SPMIP11: variants seen among roughly 807,000 people sequenced by gnomAD.
SPMIP11 encodes sperm microtubule inner protein 11, also known as long intergenic non-protein coding RNA 935.
chr12:48,747,806 C>T, the SPMIP11 span, among the ~76,000 whole-genome samples: 1 of 152,178 alleles, frequency 6.6e-6, no homozygotes, highest in Non-Finnish European at 1.5e-5. Context: ...AGTCTGTGCT[C>T]ACATGGCCAA....
the SPMIP11 span, among the ~76,000 whole-genome samples, chr12:48,733,764 C>CTTTT: frequency 1.6e-3 from 134 of 82,882 alleles, 3 homozygotes; most frequent in South Asian, 2.8e-3. Flanking sequence ...AATGCAGATT[C>CTTTT]TTTTTTTTTT....
the SPMIP11 span, among the ~76,000 whole-genome samples, chr12:48,750,457 T>C: frequency 6.6e-6 from 1 of 152,208 alleles, no homozygotes; most frequent in African/African-American, 2.4e-5. Flanking sequence ...ATTTAACATA[T>C]GGGCAGAAAA....
At chr12:48,738,943 T>A in the SPMIP11 span, among the ~76,000 whole-genome samples, 1 of 152,116 alleles carries the variant, frequency 6.6e-6, no homozygotes, top group Non-Finnish European at 1.5e-5. Context: ...TTTTGCTTTT[T>A]TTTCTTCATG....
At chr12:48,728,882 G>A in the SPMIP11 span, among the ~76,000 whole-genome samples, 1 of 152,110 alleles carries the variant, frequency 6.6e-6, no homozygotes, top group Non-Finnish European at 1.5e-5. Context: ...AATTGAGGAT[G>A]CTGTTAGCCA....
chr12:48,739,849 AACCATATC>A, the SPMIP11 span, among the ~76,000 whole-genome samples: 1 of 152,202 alleles, frequency 6.6e-6, no homozygotes, highest in South Asian at 2.1e-4. Flanking sequence ...CATAAATCCA[AACCATATC>A]ACCAGCCTTC....
the SPMIP11 span, chr12:48,736,221 TG>T: frequency 2.8e-6 from 1 of 354,762 alleles, no homozygotes; most frequent in Non-Finnish European, 5.5e-6. Context: ...ATGAACAACA[TG>T]GGGAAACCTC....
the SPMIP11 span, among the ~76,000 whole-genome samples, chr12:48,761,645 G>C: frequency 6.9e-6 from 1 of 144,656 alleles, no homozygotes; most frequent in African/African-American, 2.5e-5. Flanking sequence ...GGACATCAAA[G>C]CATGATGTAA....
the SPMIP11 span, among the ~76,000 whole-genome samples, chr12:48,749,005 T>C: frequency 6.6e-6 from 1 of 152,232 alleles, no homozygotes; most frequent in Non-Finnish European, 1.5e-5. Context: ...CTCACACCTG[T>C]AATCCCAGCA....
At chr12:48,749,635 C>A in the SPMIP11 span, among the ~76,000 whole-genome samples, 5 of 56,530 alleles carry the variant, frequency 8.8e-5, no homozygotes, top group African/African-American at 4.0e-4. Flanking sequence ...AACTCGGTGT[C>A]AAAAAAAAAA....
chr12:48,730,277 T>C, the SPMIP11 span, among the ~76,000 whole-genome samples: 3 of 152,094 alleles, frequency 2.0e-5, no homozygotes, highest in African/African-American at 7.2e-5. Flanking sequence ...TATCCCGATA[T>C]CATCTACTAT....
At chr12:48,741,023 T>A in the SPMIP11 span, among the ~76,000 whole-genome samples, 1 of 151,770 alleles carries the variant, frequency 6.6e-6, no homozygotes, top group Non-Finnish European at 1.5e-5. Context: ...CTCTTTAGTC[T>A]CCTTTAATCT....
the SPMIP11 span, among the ~76,000 whole-genome samples, chr12:48,757,732 G>A: frequency 6.7e-6 from 1 of 149,688 alleles, no homozygotes; most frequent in African/African-American, 2.4e-5. Flanking sequence ...AGTGGCTCAC[G>A]CCTGTAATCC....
the SPMIP11 span, chr12:48,759,355 A>C: frequency 1.4e-6 from 1 of 702,172 alleles, no homozygotes; most frequent in East Asian, 2.7e-5. Flanking sequence ...GGTGGGCATC[A>C]TGCTAGGAGA....
At chr12:48,730,267 T>C in the SPMIP11 span, among the ~76,000 whole-genome samples, 4 of 152,118 alleles carry the variant, frequency 2.6e-5, no homozygotes, top group South Asian at 2.1e-4. Flanking sequence ...GACGGAGAAG[T>C]ATCCCGATAT....
chr12:48,757,172 G>C, the SPMIP11 span, among the ~76,000 whole-genome samples: 1 of 152,194 alleles, frequency 6.6e-6, no homozygotes, highest in South Asian at 2.1e-4. Context: ...GGATGGAACA[G>C]CCAAGAGACA....
At chr12:48,741,796 C>T in the SPMIP11 span, among the ~76,000 whole-genome samples, 1 of 152,208 alleles carries the variant, frequency 6.6e-6, no homozygotes, top group East Asian at 1.9e-4. Context: ...CACACCACCA[C>T]ACCCAGCCAA....
chr12:48,738,721 T>A, the SPMIP11 span, among the ~76,000 whole-genome samples: 2 of 151,984 alleles, frequency 1.3e-5, no homozygotes, highest in Non-Finnish European at 2.9e-5. Flanking sequence ...TCAGAGCAAG[T>A]GATCAGAAAG....
At chr12:48,771,296 AG>A in the SPMIP11 span, 1 of 483,662 alleles carries the variant, frequency 2.1e-6, no homozygotes, top group Non-Finnish European at 3.8e-6. This position sits in a 1 kb window ranked among gnomAD's most constrained non-coding sequence, Gnocchi z 4.3. Flanking sequence ...ACTTCCCTCC[AG>A]AACAGTGAAC....
At chr12:48,752,077 A>C in the SPMIP11 span, among the ~76,000 whole-genome samples, 3 of 149,964 alleles carry the variant, frequency 2.0e-5, no homozygotes, top group Admixed American at 1.3e-4. Context: ...AAAAAAAAAA[A>C]AACAAACAAA....
Sources: allele counts gnomAD v4.1 joint callset (sites outside exome capture counted in the v4.1 genomes callset), GRCh38; gene constraint gnomAD v4.1.1; non-coding constraint Gnocchi (gnomAD v3.1); transcripts MANE v1.5; gene names NCBI Gene and HGNC (gene_info 2026-07-23, HGNC 2026-07-21).